Variants in OLFM3 observed in about 807,000 individuals in gnomAD.
OLFM3 encodes the protein noelin-3.
A neutral mutation model predicts 48.6 loss-of-function variants in OLFM3; 20 were observed. The ratio of observed to expected loss-of-function variants is 0.41; its 90% CI spans 0.29 to 0.60. The LOEUF is 0.60. Ranked by LOEUF, OLFM3 falls within the 20% of genes least tolerant of loss-of-function variation. OLFM3 has a pLI of 0.28. For missense variants in OLFM3, 437 were observed against 544.3 expected (o/e 0.80, Z 1.96); for synonymous variants, 222 against 198.1 (o/e 1.12, Z -1.01).
chr1:101,825,064 C>A lies in OLFM3; in HGVS notation c.554G>T (p.Ser185Ile). ...GCAGTCACGAAGTCTTGTTTCCAAG[C>A]TCAGCACTCTTTGGTGTAGTTCCTC... ...DYEELHQRVL[S>I]LETRLRDCMK... The change falls in exon 4 of 6, where the codon AGC becomes ATC. Residue 185 changes from serine (S) to isoleucine (I), a missense_variant. This residue lies in a region of OLFM3 where 314 missense variants were observed against 365.5 expected (regional missense o/e 0.86). Coordinates refer to ENST00000370103, the MANE Select transcript of OLFM3 (RefSeq NM_058170.4). The A allele has an allele frequency of 6.2e-7, 1 of 1,614,126 alleles. No individual in the cohort carries two copies. Among genetic ancestry groups the A allele is most frequent in the Non-Finnish European group, 8.5e-7 (1 of 1,179,964 alleles).
chr1:101,909,726 ATAGT>A (rs1210663866), intron 1 of OLFM3, among the ~76,000 whole-genome samples: 2 of 152,198 alleles, frequency 1.3e-5, no homozygotes, highest in African/African-American at 2.4e-5. Context: ...TTACAGTTAG[ATAGT>A]TATACTGAGT....
intron 1 of OLFM3, among the ~76,000 whole-genome samples, chr1:101,853,989 TC>T (rs1160077770): frequency 6.6e-6 from 1 of 152,036 alleles, no homozygotes; most frequent in Non-Finnish European, 1.5e-5. Context: ...AGCAATCTTT[TC>T]TTCTTCTTGC....
At position 101,830,747 on chromosome 1, in the gene OLFM3, G is replaced by T; in HGVS notation, c.297C>A (p.Thr99=). 3 of 1,613,996 alleles carry T rather than the reference G, an allele frequency of 1.9e-6. No individual in the cohort carries two copies. The highest frequency in any genetic ancestry group is 2.5e-6 in the Non-Finnish European group (3 of 1,179,944). Residue 99 remains threonine (T), a synonymous_variant, in exon 3 of 6, where the codon ACC becomes ACA. Transcript: ENST00000370103. ...RDFQYVLKME[T]QMKGLKAKFR... is the part of the protein sequence containing the mutation. ...ATTTTGCCTTCAGCCCTTTCATTTG[G>T]GTTTCCATTTTTAAAACATATTGGA...
At chr1:101,909,933 A>C in intron 1 of OLFM3, 1 of 982,188 alleles carries the variant, frequency 1.0e-6, no homozygotes, top group Non-Finnish European at 1.2e-6. Context: ...GTGTCCAGGT[A>C]AACTATAGAC....
chr1:101,855,159 TA>T (rs1315708472), intron 1 of OLFM3, among the ~76,000 whole-genome samples: 1 of 152,102 alleles, frequency 6.6e-6, no homozygotes, highest in Admixed American at 6.6e-5. Flanking sequence ...AGAAAGTATA[TA>T]AAATGTGCCT....
Position 101,804,416 on chromosome 1 carries a change from T to A in OLFM3, c.1199A>T (p.Tyr400Phe), listed in dbSNP as rs149683559. ...HLTGAKVYYS[Y>F]STKTSTYEYT... ...CTCATATGTGGAGGTTTTGGTGGAA[T>A]AGGAATAATACACCTTGGCTCCAGT... is the stretch of plus-strand genomic sequence containing the variant. The change falls in exon 6 of 6, where the codon TAT becomes TTT. Residue 400 changes from tyrosine to phenylalanine, a missense_variant. Transcript: ENST00000370103. The surrounding 1 kb of genome is among the most constrained non-coding windows in gnomAD (Gnocchi z 4.5). The A allele has an allele frequency of 1.2e-6, 2 of 1,612,498 alleles. No individual in the cohort carries two copies. Among genetic ancestry groups the A allele is most frequent in the African/African-American group, 2.7e-5 (2 of 74,874 alleles).
intron 1 of OLFM3, among the ~76,000 whole-genome samples, chr1:101,903,464 G>A (rs1658453785): frequency 6.6e-6 from 1 of 152,084 alleles, no homozygotes; most frequent in Admixed American, 6.6e-5. Flanking sequence ...AATTGGGGTT[G>A]CTGCAGTCAT....
chr1:101,964,928 T>C (rs1660567652), intron 1 of OLFM3, among the ~76,000 whole-genome samples: 1 of 152,246 alleles, frequency 6.6e-6, no homozygotes. Flanking sequence ...TGAGGGTATG[T>C]CCTGTCATGT....
At chr1:101,887,719 A>G (rs1657820247) in intron 1 of OLFM3, among the ~76,000 whole-genome samples, 2 of 152,044 alleles carry the variant, frequency 1.3e-5, no homozygotes, top group Admixed American at 1.3e-4. Flanking sequence ...AATAGTTACA[A>G]TGTAGTATAA....
At chr1:101,894,915 C>CA (rs1284267535) in intron 1 of OLFM3, among the ~76,000 whole-genome samples, 1 of 152,030 alleles carries the variant, frequency 6.6e-6, no homozygotes, top group Non-Finnish European at 1.5e-5. Flanking sequence ...TTATTTGTGG[C>CA]ATGGAAACAC....
chr1:101,809,241 GA>G (rs543094703), intron 4 of OLFM3, among the ~76,000 whole-genome samples: 2 of 151,360 alleles, frequency 1.3e-5, no homozygotes, highest in Non-Finnish European at 3.0e-5. Context: ...GATAATGAAT[GA>G]AAAAAAGATC....
chr1:101,885,838 C>G (rs1657733879), intron 1 of OLFM3, among the ~76,000 whole-genome samples: 1 of 152,026 alleles, frequency 6.6e-6, no homozygotes, highest in Non-Finnish European at 1.5e-5. Flanking sequence ...ATGCTTTATG[C>G]TATTGGTACA....
intron 1 of OLFM3, among the ~76,000 whole-genome samples, chr1:101,920,042 C>T (rs988953884): frequency 6.6e-6 from 1 of 152,274 alleles, no homozygotes; most frequent in East Asian, 1.9e-4. Flanking sequence ...CAAATCCTGC[C>T]GATTGTAAAC....
intron 4 of OLFM3, chr1:101,813,207 G>T (rs1654153914): frequency 1.4e-6 from 1 of 694,728 alleles, no homozygotes; most frequent in East Asian, 7.0e-5. Context: ...AGAAGAAAAG[G>T]ACATAGCAAT....
At chr1:101,949,658 C>T (rs1293734106) in intron 1 of OLFM3, among the ~76,000 whole-genome samples, 2 of 152,124 alleles carry the variant, frequency 1.3e-5, no homozygotes, top group African/African-American at 4.8e-5. Context: ...CGGCCTGGCG[C>T]GGTGGCTCAC....
At chr1:101,855,084 C>A (rs566902824) in intron 1 of OLFM3, among the ~76,000 whole-genome samples, 1 of 152,006 alleles carries the variant, frequency 6.6e-6, no homozygotes, top group South Asian at 2.1e-4. Context: ...TAAAATTTAT[C>A]TTTAGAGTTT....
chr1:101,824,577 T>C (rs1355435648), intron 4 of OLFM3, among the ~76,000 whole-genome samples: 1 of 152,130 alleles, frequency 6.6e-6, no homozygotes, highest in African/African-American at 2.4e-5. Flanking sequence ...GCTTTAATAA[T>C]TGCTGTTTGA....
At chr1:101,835,851 C>A (rs1655374270) in intron 2 of OLFM3, among the ~76,000 whole-genome samples, 1 of 152,102 alleles carries the variant, frequency 6.6e-6, no homozygotes, top group Non-Finnish European at 1.5e-5. Context: ...CTTAGAGCAT[C>A]AATATACTTG....
At chr1:101,832,156 TG>T (rs1377487238) in intron 2 of OLFM3, among the ~76,000 whole-genome samples, 1 of 152,222 alleles carries the variant, frequency 6.6e-6, no homozygotes, top group African/African-American at 2.4e-5. Context: ...CCCAAAGTGC[TG>T]GGATTACAGG....
Sources: allele counts gnomAD v4.1 joint callset (sites outside exome capture counted in the v4.1 genomes callset), GRCh38; gene constraint gnomAD v4.1.1; regional missense constraint gnomAD v4.1.1; non-coding constraint Gnocchi (gnomAD v3.1); transcripts MANE v1.5; gene names NCBI Gene and HGNC (gene_info 2026-07-23, HGNC 2026-07-21).